Variants in GPM6B observed in about 807,000 individuals in gnomAD.
GPM6B encodes the protein glycoprotein M6B, also known as neuronal membrane glycoprotein M6-b.
Under a neutral mutation model 27.2 loss-of-function variants are expected in GPM6B, and 4 were observed. The observed-to-expected ratio is 0.15, with a 90% CI of 0.07 to 0.34. GPM6B has a LOEUF of 0.34. GPM6B is among the 10% of genes least tolerant of loss of function. The probability of loss-of-function intolerance (pLI) is 1.00; values close to 1 mark genes in which losing one functional copy is unlikely to be tolerated. For missense variants in GPM6B, 183 were observed against 261.9 expected, an observed-to-expected ratio of 0.70 and a Z score of 2.08; for synonymous variants, 124 against 103.1, an observed-to-expected ratio of 1.20 and a Z score of -1.23.
At chrX:13,783,568 T>C in intron 3 of GPM6B, 47 bp from the exon 4 acceptor site, 2 of 1,035,236 alleles carry the variant, frequency 1.9e-6, no homozygotes, top group Non-Finnish European at 2.7e-6. Context: ...CACTGCCTGG[T>C]AGTGACTACG....
intron 1 of GPM6B, among the ~76,000 whole-genome samples, chrX:13,841,770 G>A (rs955637043): frequency 1.8e-5 from 2 of 111,362 alleles, no homozygotes; most frequent in African/African-American, 6.6e-5. Flanking sequence ...AATCTACAAT[G>A]GAACCCCTGC....
chrX:13,868,509 C>T (rs776435743), intron 1 of GPM6B, among the ~76,000 whole-genome samples: 36 of 112,009 alleles, frequency 3.2e-4, no homozygotes, highest in Admixed American at 2.5e-3. Context: ...AATCAGCTCT[C>T]ACTAAAAGCG....
At chrX:13,865,541 T>TAAAAA (rs1569271152) in intron 1 of GPM6B, among the ~76,000 whole-genome samples, 2 of 3,113 alleles carry the variant, frequency 6.4e-4, no homozygotes, top group African/African-American at 1.4e-3. Flanking sequence ...ATCCATCTCT[T>TAAAAA]CAAAAAAAAA....
chrX:13,842,273 G>C (rs1569251993), intron 1 of GPM6B, among the ~76,000 whole-genome samples: 1 of 112,080 alleles, frequency 8.9e-6, no homozygotes. Context: ...TAAAATAAAA[G>C]TGTAATTTTC....
At chrX:13,880,141 T>C (rs2050079504) in intron 1 of GPM6B, among the ~76,000 whole-genome samples, 1 of 111,712 alleles carries the variant, frequency 9.0e-6, no homozygotes, top group South Asian at 3.7e-4. Context: ...ATGTGCATGG[T>C]TATGTCATAG....
chrX:13,830,545 ATTGAG>A (rs771150093), intron 1 of GPM6B, among the ~76,000 whole-genome samples: 6 of 112,291 alleles, frequency 5.3e-5, no homozygotes, highest in Non-Finnish European at 1.1e-4. Flanking sequence ...AATCAAAACA[ATTGAG>A]TTAACTTTGT....
intron 1 of GPM6B, among the ~76,000 whole-genome samples, chrX:13,912,657 G>A (rs1432764122): frequency 8.9e-6 from 1 of 112,181 alleles, no homozygotes; most frequent in East Asian, 2.8e-4. Context: ...GCAAAAGAGA[G>A]AACTGCTCAG....
At chrX:13,900,644 A>C (rs1266184493) in intron 1 of GPM6B, among the ~76,000 whole-genome samples, 3 of 112,238 alleles carry the variant, frequency 2.7e-5, no homozygotes, top group African/African-American at 9.7e-5. Flanking sequence ...CTGATTATGC[A>C]CACATTGTTC....
In GPM6B at chrX:13,929,589, G is replaced by A. The variant is rs367841194; in HGVS notation, c.-198+8738C>T. Among the ~76,000 whole-genome samples, 10 of 111,942 alleles carry A rather than the reference G, an allele frequency of 8.9e-5. No homozygotes were observed. The East Asian group carries it at 1.7e-3, about 19-fold the overall frequency. On this transcript the variant is annotated intron_variant, in intron 1 of 6. Coordinates refer to the GPM6B transcript ENST00000398361. Reference sequence around the variant, plus strand: ...TTTATGATATTGTGAGAAACAAAAGGTTTTCAATCCCTCTTACCCTTTAAG... The same window carrying A: ...TTTATGATATTGTGAGAAACAAAAGATTTTCAATCCCTCTTACCCTTTAAG...
At chrX:13,885,646 G>T (rs749524925) in intron 1 of GPM6B, among the ~76,000 whole-genome samples, 1 of 111,339 alleles carries the variant, frequency 9.0e-6, no homozygotes, top group Non-Finnish European at 1.9e-5. Context: ...CACCCGCTTC[G>T]GAAGGATGCA....
At position 13,777,464 on chromosome X, in the gene GPM6B, T is replaced by G. The variant is rs1308212893; in HGVS notation, c.698-39A>C. 9 of 938,232 alleles carry G rather than the reference T, an allele frequency of 9.6e-6. No individual in the cohort carries two copies. The African/African-American group carries it at 9.6e-5, about 10-fold the overall frequency. The allele number at this position is 938,232 out of a possible 1,213,427, so 77.3% of individuals were successfully genotyped here. On this transcript the variant is annotated intron_variant, in intron 5 of 7. Coordinates refer to ENST00000316715, the MANE Select transcript of GPM6B (RefSeq NM_001001995.3). ...CCCAATAGGATGTTAGTACAAACTA[T>G]AGCGCCTCATGTTCTTAACAGACCC... is the stretch of plus-strand genomic sequence containing the variant.
At chrX:13,925,490 C>CTTTTTTTTTT (rs57186854) in intron 1 of GPM6B, among the ~76,000 whole-genome samples, 2 of 79,881 alleles carry the variant, frequency 2.5e-5, no homozygotes, top group African/African-American at 4.8e-5. Flanking sequence ...CCATGTCTGG[C>CTTTTTTTTTT]TTTTTTTTTT....
chrX:13,858,508 C>T (rs1428613779), intron 1 of GPM6B, among the ~76,000 whole-genome samples: 2 of 111,566 alleles, frequency 1.8e-5, no homozygotes, highest in Non-Finnish European at 3.8e-5. Context: ...AGGACATAAT[C>T]AGGGTAAGAA....
At chrX:13,806,687 T>A (rs2049028013) in intron 2 of GPM6B, among the ~76,000 whole-genome samples, 2 of 112,441 alleles carry the variant, frequency 1.8e-5, no homozygotes, top group Admixed American at 1.9e-4. Context: ...ATGGGTAACT[T>A]ACATTGTACC....
intron 1 of GPM6B, among the ~76,000 whole-genome samples, chrX:13,926,861 TTTTAAAA>T (rs1465135454): frequency 5.4e-5 from 6 of 111,739 alleles, no homozygotes; most frequent in Non-Finnish European, 1.1e-4. Context: ...ATAGAAACAA[TTTTAAAA>T]CAAGGCAAAG....
intron 1 of GPM6B, among the ~76,000 whole-genome samples, chrX:13,856,417 T>C (rs1019847985): frequency 8.9e-5 from 10 of 111,896 alleles, no homozygotes; most frequent in African/African-American, 3.3e-4. Flanking sequence ...CTCAAGACAA[T>C]TGTAAATCTT....
chrX:13,807,306 C>A (rs1423094084), intron 2 of GPM6B, among the ~76,000 whole-genome samples: 1 of 111,490 alleles, frequency 9.0e-6, no homozygotes, highest in Non-Finnish European at 1.9e-5. Context: ...ATGTGGGTGG[C>A]CCCCCTCCCC....
chrX:13,871,115 A>AAAACAAAAC (rs150568277), intron 1 of GPM6B, among the ~76,000 whole-genome samples: 1,881 of 87,634 alleles, frequency 0.021, 22 homozygotes, highest in African/African-American at 0.029. Flanking sequence ...AAAACAAAAC[A>AAAACAAAAC]AAAAAAAAAG....
chrX:13,780,835 T>G (rs757466699), intron 4 of GPM6B: 32 of 225,778 alleles, frequency 1.4e-4, no homozygotes, highest in South Asian at 1.4e-3. Flanking sequence ...GGGTGTGGAG[T>G]GCTAGTTTGG....
Sources: allele counts gnomAD v4.1 joint callset (sites outside exome capture counted in the v4.1 genomes callset), GRCh38; gene constraint gnomAD v4.1.1; transcripts MANE v1.5; gene names NCBI Gene and HGNC (gene_info 2026-07-23, HGNC 2026-07-21).